Variants in AMMECR1 observed in about 807,000 individuals in gnomAD.
The protein encoded by AMMECR1 is nuclear protein AMMECR1.
AMMECR1 carries 3 observed loss-of-function variants against 22.5 expected under a neutral mutation model. That is an observed-to-expected ratio of 0.13 (90% CI 0.06 to 0.35). The LOEUF is 0.35. Ranked by LOEUF, AMMECR1 falls within the 10% of genes least tolerant of loss-of-function variation. The probability of loss-of-function intolerance (pLI) is 1.00; values close to 1 mark genes in which losing one functional copy is unlikely to be tolerated. For synonymous variants in AMMECR1, 130 were observed against 116.7 expected (o/e 1.11, Z -0.74); for missense variants, 235 against 278.7 (o/e 0.84, Z 1.12).
At chrX:110,259,806 T>C (rs2067730493) in intron 2 of AMMECR1, among the ~76,000 whole-genome samples, 1 of 110,404 alleles carries the variant, frequency 9.1e-6, no homozygotes. Context: ...TTAGCCAGGA[T>C]GGTCTCGATC....
At chrX:110,379,865 T>C (rs181863662) in intron 2 of AMMECR1, among the ~76,000 whole-genome samples, 1 of 112,460 alleles carries the variant, frequency 8.9e-6, no homozygotes, top group Non-Finnish European at 1.9e-5. Context: ...ATTGAGCATC[T>C]ACCATTTGAT....
At chrX:110,248,562 TCTAA>T (rs1218373001) in intron 2 of AMMECR1, among the ~76,000 whole-genome samples, 1 of 112,192 alleles carries the variant, frequency 8.9e-6, no homozygotes, top group Non-Finnish European at 1.9e-5. Flanking sequence ...CTGCCACTTA[TCTAA>T]CTGTTTTATG....
chrX:110,363,279 T>G (rs1216529907), intron 2 of AMMECR1, among the ~76,000 whole-genome samples: 1 of 111,173 alleles, frequency 9.0e-6, no homozygotes, highest in African/African-American at 3.3e-5. Context: ...TTTTGAAAAA[T>G]GGACAGAGGG....
intron 1 of AMMECR1, among the ~76,000 whole-genome samples, chrX:110,313,333 A>G (rs1448296537): frequency 2.7e-5 from 3 of 112,545 alleles, no homozygotes; most frequent in Non-Finnish European, 5.6e-5. Context: ...TCTATGTGCT[A>G]TGGTCTATAC....
intron 2 of AMMECR1, among the ~76,000 whole-genome samples, chrX:110,259,077 G>A (rs745388680): frequency 9.0e-5 from 10 of 111,625 alleles, no homozygotes; most frequent in Non-Finnish European, 1.5e-4. Flanking sequence ...ACCTTTGAAA[G>A]TAATAAAGTA....
intron 2 of AMMECR1, among the ~76,000 whole-genome samples, chrX:110,228,595 A>G (rs780633233): frequency 3.6e-5 from 4 of 111,458 alleles, no homozygotes; most frequent in Admixed American, 9.6e-5. Context: ...AAAACAGTGA[A>G]ACAGTGAGCT....
chrX:110,347,234 A>G (rs1280824984), intron 2 of AMMECR1, among the ~76,000 whole-genome samples: 1 of 113,150 alleles, frequency 8.8e-6, no homozygotes, highest in Non-Finnish European at 1.9e-5. Flanking sequence ...TTGGCTCCCA[A>G]CCTTGTGGAA....
intron 2 of AMMECR1, among the ~76,000 whole-genome samples, chrX:110,253,618 A>T (rs1392969701): frequency 8.9e-6 from 1 of 112,698 alleles, no homozygotes; most frequent in Non-Finnish European, 1.9e-5. Flanking sequence ...TAACATAGTC[A>T]TCCTTTTACC....
Position 110,272,980 on chromosome X carries a change from C to G in AMMECR1, c.474-8381G>C, listed in dbSNP as rs183116801. On this transcript the variant is annotated intron_variant, in intron 1 of 5. Transcript: ENST00000262844. ...TAGTGCTGCGATGAACACATGAGTA[C>G]AGGTGTCTTTTTAATGTAATGATTT... Among the ~76,000 whole-genome samples the G allele has an allele frequency of 6.7e-4, 75 of 111,963 alleles. 2 individuals carry two copies. The Admixed American group carries it at 6.9e-3, about 10-fold the overall frequency.
chrX:110,367,465 C>T (rs183507233), intron 2 of AMMECR1, among the ~76,000 whole-genome samples: 2 of 111,273 alleles, frequency 1.8e-5, no homozygotes, highest in Admixed American at 9.6e-5. Flanking sequence ...CGCCCAACAG[C>T]GGCATTTGAC....
chrX:110,438,701 T>C (rs750271556), intron 1 of AMMECR1, among the ~76,000 whole-genome samples: 2 of 111,037 alleles, frequency 1.8e-5, no homozygotes, highest in South Asian at 7.9e-4. Context: ...TTAGCACTGA[T>C]ATTAACATTT....
At chrX:110,314,408 C>T (rs912503982) in intron 1 of AMMECR1, among the ~76,000 whole-genome samples, 4 of 111,829 alleles carry the variant, frequency 3.6e-5, no homozygotes, top group African/African-American at 1.3e-4. Flanking sequence ...CTTGGCTGCA[C>T]ATTAAACTCA....
chrX:110,372,330 A>G (rs975002735), intron 2 of AMMECR1, among the ~76,000 whole-genome samples: 2 of 112,808 alleles, frequency 1.8e-5, no homozygotes, highest in African/African-American at 3.2e-5. Flanking sequence ...TTTTTTAAAA[A>G]TTAAAATGAA....
chrX:110,407,028 T>C (rs769822617), intron 2 of AMMECR1, among the ~76,000 whole-genome samples: 90 of 111,821 alleles, frequency 8.0e-4, no homozygotes, highest in Non-Finnish European at 1.4e-3. Context: ...TTGTGTTTTC[T>C]CCTTTTCCTC....
chrX:110,322,222 A>G (rs1335475967), upstream of AMMECR1, among the ~76,000 whole-genome samples: 1 of 112,125 alleles, frequency 8.9e-6, no homozygotes, highest in Non-Finnish European at 1.9e-5. Context: ...AGATATGCTA[A>G]TATCTACTCT....
At chrX:110,382,423 C>T (rs1378375428) in intron 2 of AMMECR1, among the ~76,000 whole-genome samples, 1 of 110,997 alleles carries the variant, frequency 9.0e-6, no homozygotes, top group African/African-American at 3.3e-5. Flanking sequence ...GAAAATGACA[C>T]TTTCTTAAAA....
In AMMECR1 at chrX:110,364,906, G is replaced by A. The variant is rs188419686; in HGVS notation, c.-147-47057C>T. On this transcript the variant is annotated intron_variant, in intron 2 of 7. Transcript: ENST00000372057. ...TGTAGTGCCAACTATATTTGTTCCT[G>A]AGCCTCAGCTCCCTGCATCAGGTCA... is the stretch of plus-strand genomic sequence containing the variant. 4.8e-3 allele frequency among the ~76,000 whole-genome samples: 540 copies of A among 112,009 alleles called. 4 individuals are homozygous for A. The highest frequency in any genetic ancestry group is 0.016 in the African/African-American group (508 of 30,844).
chrX:110,274,652 T>A (rs1035417355), intron 1 of AMMECR1, among the ~76,000 whole-genome samples: 1 of 112,167 alleles, frequency 8.9e-6, no homozygotes, highest in Non-Finnish European at 1.9e-5. Context: ...ATACACAGTA[T>A]ATGGTTAGGT....
In AMMECR1 at chrX:110,429,061, C is replaced by A. The variant is rs1481261485; in HGVS notation, c.-293-2258G>T. On this transcript the variant is annotated intron_variant, in intron 1 of 7. Transcript: ENST00000372057. ...TTCTACCCCACTAGCCAATTCAAAG[C>A]TTGTCTTCCCTGTAGATCCACCCTG... 2.1e-4 allele frequency among the ~76,000 whole-genome samples: 24 copies of A among 111,891 alleles called. No individual in the cohort carries two copies. The Admixed American group carries it at 2.3e-3, about 11-fold the overall frequency.
Sources: gnomAD v4.1 joint callset for allele counts (sites outside exome capture counted in the v4.1 genomes callset) on GRCh38, gnomAD v4.1.1 for gene constraint, MANE v1.5 for transcripts, NCBI Gene and HGNC (gene_info 2026-07-23, HGNC 2026-07-21) for gene names.